EPB41: variants seen among roughly 807,000 people sequenced by gnomAD.
The protein encoded by EPB41 is erythrocyte membrane protein band 4.1.
A neutral mutation model predicts 108.0 loss-of-function variants in EPB41; 65 were observed. The ratio of observed to expected loss-of-function variants is 0.60; its 90% CI spans 0.49 to 0.74. The LOEUF is 0.74. Ranked by LOEUF, EPB41 falls within the 30% of genes least tolerant of loss-of-function variation. The pLI, the probability that EPB41 is intolerant of heterozygous loss-of-function variation, is 0.00. For synonymous variants in EPB41, 336 were observed against 358.9 expected (o/e 0.94, Z 0.72); for missense variants, 875 against 1,037.0 (o/e 0.84, Z 2.15).
intron 16 of EPB41, among the ~76,000 whole-genome samples, chr1:29,074,148 T>C (rs1348245891): frequency 6.6e-6 from 1 of 152,220 alleles, no homozygotes; most frequent in Non-Finnish European, 1.5e-5. Context: ...AAAATTAATA[T>C]GAGACATGGT....
chr1:29,006,502 G>A (rs2096404766), intron 4 of EPB41, among the ~76,000 whole-genome samples: 1 of 152,060 alleles, frequency 6.6e-6, no homozygotes, highest in African/African-American at 2.4e-5. Flanking sequence ...CTGCCAGAGT[G>A]CTGGGATTAC....
intron 1 of EPB41, among the ~76,000 whole-genome samples, chr1:28,906,540 C>T (rs2147961667): frequency 6.6e-6 from 1 of 152,204 alleles, no homozygotes; most frequent in East Asian, 1.9e-4. Context: ...TGGAGAGGGT[C>T]ATGGGAGGCC....
At chr1:29,011,347 A>T (rs2096497506) in intron 4 of EPB41, among the ~76,000 whole-genome samples, 1 of 151,772 alleles carries the variant, frequency 6.6e-6, no homozygotes, top group Non-Finnish European at 1.5e-5. Flanking sequence ...CCAGGGCAAT[A>T]GAGCGAGACT....
At chr1:28,967,128 C>G (rs1394710222) in intron 1 of EPB41, among the ~76,000 whole-genome samples, 1 of 146,960 alleles carries the variant, frequency 6.8e-6, no homozygotes, top group Admixed American at 7.1e-5. Context: ...AAGCGATTCT[C>G]CTGCCTCAGC....
At chr1:29,096,251 G>A (rs1663192384) in intron 16 of EPB41, 1 of 985,888 alleles carries the variant, frequency 1.0e-6, no homozygotes, top group Non-Finnish European at 1.2e-6. Flanking sequence ...GCATTCGGTA[G>A]TTCCTAGTAA....
intron 1 of EPB41, among the ~76,000 whole-genome samples, chr1:28,944,161 C>T (rs907178676): frequency 6.6e-6 from 1 of 151,942 alleles, no homozygotes; most frequent in African/African-American, 2.4e-5. Context: ...AAAATCAAAA[C>T]AATTGAACTC....
chr1:28,907,977 T>G (rs1373926862), intron 1 of EPB41, among the ~76,000 whole-genome samples: 11 of 152,094 alleles, frequency 7.2e-5, no homozygotes, highest in Admixed American at 7.2e-4. Context: ...CCCTAATTCA[T>G]CTAAGCTGTA....
At chr1:29,053,004 C>G in intron 11 of EPB41, 100 bp from the exon 12 acceptor site, 1 of 1,249,688 alleles carries the variant, frequency 8.0e-7, no homozygotes, top group South Asian at 1.3e-5. Flanking sequence ...CTCTAACATT[C>G]GTGTGTATCC....
intron 17 of EPB41, among the ~76,000 whole-genome samples, chr1:29,102,152 G>T (rs1182146988): frequency 6.6e-6 from 1 of 152,226 alleles, no homozygotes; most frequent in Non-Finnish European, 1.5e-5. Flanking sequence ...TCATATGGCA[G>T]AATCCCTTTA....
chr1:28,953,762 C>G (rs572305522), intron 1 of EPB41, among the ~76,000 whole-genome samples: 2 of 152,260 alleles, frequency 1.3e-5, no homozygotes, highest in South Asian at 4.1e-4. Context: ...TTTCATCTTA[C>G]GTAGTTAATA....
At chr1:28,917,977 T>C (rs1481975804) in intron 1 of EPB41, among the ~76,000 whole-genome samples, 4 of 152,152 alleles carry the variant, frequency 2.6e-5, no homozygotes, top group African/African-American at 4.8e-5. Context: ...TTTTTTTTAA[T>C]GTAGTAATCC....
At chr1:29,066,736 C>T (rs972451602) in intron 16 of EPB41, among the ~76,000 whole-genome samples, 2 of 152,002 alleles carry the variant, frequency 1.3e-5, no homozygotes, top group East Asian at 2.0e-4. Context: ...TGCAATGGCA[C>T]GATCTTGGCT....
chr1:28,890,224 G>A (rs1356733413), intron 1 of EPB41, among the ~76,000 whole-genome samples: 1 of 151,918 alleles, frequency 6.6e-6, no homozygotes, highest in Non-Finnish European at 1.5e-5. Flanking sequence ...TTTTAGTAGA[G>A]ATAGGATTTT....
intron 11 of EPB41, among the ~76,000 whole-genome samples, chr1:29,044,713 A>G (rs1642635279): frequency 6.6e-6 from 1 of 152,124 alleles, no homozygotes; most frequent in African/African-American, 2.4e-5. Flanking sequence ...TTAGCTGGGC[A>G]TGGTGGCACA....
At chr1:28,948,515 A>G (rs1340180304) in intron 1 of EPB41, among the ~76,000 whole-genome samples, 1 of 151,658 alleles carries the variant, frequency 6.6e-6, no homozygotes. Context: ...CAAAAAAAAA[A>G]AAAAAAAAAG....
chr1:29,109,177 G>A (rs935027933), intron 17 of EPB41, among the ~76,000 whole-genome samples, 159 bp from the exon 18 acceptor site: 2 of 150,724 alleles, frequency 1.3e-5, no homozygotes, highest in South Asian at 2.1e-4. Context: ...CAGCCTGGGC[G>A]ACAAGAGTGA....
intron 10 of EPB41, among the ~76,000 whole-genome samples, chr1:29,038,786 G>A (rs2150415029): frequency 6.6e-6 from 1 of 152,276 alleles, no homozygotes; most frequent in Non-Finnish European, 1.5e-5. Flanking sequence ...CAAATAACCT[G>A]TTAAATAGAT....
intron 1 of EPB41, among the ~76,000 whole-genome samples, chr1:28,953,526 A>AAGCC: frequency 6.6e-6 from 1 of 152,140 alleles, no homozygotes; most frequent in Admixed American, 6.5e-5. Flanking sequence ...TTTAAAAAGG[A>AAGCC]AGCCTGGATT....
At position 28,967,122 on chromosome 1, in the gene EPB41, G is replaced by A. The variant is rs975594345; in HGVS notation, c.-7-20309G>A. Among the ~76,000 whole-genome samples, 5 of 147,290 alleles carry A rather than the reference G, an allele frequency of 3.4e-5. No individual in the cohort carries two copies. In the East Asian group the frequency reaches 1.0e-3, roughly 30 times the overall value. ...CAAGCTCTGCCTCCAGGGTTCAAGC[G>A]ATTCTCCTGCCTCAGCCTCCTGAGT... On this transcript the variant is annotated intron_variant, in intron 1 of 20. Coordinates refer to ENST00000343067, the MANE Select transcript of EPB41 (RefSeq NM_001376013.1).
Sources: gnomAD v4.1 joint callset for allele counts (sites outside exome capture counted in the v4.1 genomes callset) on GRCh38, gnomAD v4.1.1 for gene constraint, MANE v1.5 for transcripts, NCBI Gene and HGNC (gene_info 2026-07-23, HGNC 2026-07-21) for gene names.